The following ANO10 variants were observed in gnomAD, a reference collection of about 807,000 sequenced individuals.
The protein encoded by ANO10 is anoctamin 10.
Under a neutral mutation model 74.7 loss-of-function variants are expected in ANO10, and 77 were observed. The ratio of observed to expected loss-of-function variants is 1.03; its 90% CI spans 0.86 to 1.25. The LOEUF (loss-of-function observed/expected upper bound fraction) is 1.25. ANO10 is among the 50% of genes most tolerant of loss of function. The pLI is 0.00. For missense variants in ANO10, 721 were observed against 778.1 expected (o/e 0.93, Z 0.87); for synonymous variants, 279 against 284.9 (o/e 0.98, Z 0.21).
intron 12 of ANO10, among the ~76,000 whole-genome samples, chr3:43,423,606 G>C (rs11708097): frequency 6.6e-6 from 1 of 152,260 alleles, no homozygotes. Context: ...CAGGTATACT[G>C]GTGGTCAGAG....
At chr3:43,475,008 A>T (rs978857938) in intron 11 of ANO10, among the ~76,000 whole-genome samples, 1 of 152,238 alleles carries the variant, frequency 6.6e-6, no homozygotes, top group Non-Finnish European at 1.5e-5. Flanking sequence ...TAAATAAATT[A>T]CCCAAATCTT....
intron 4 of ANO10, among the ~76,000 whole-genome samples, chr3:43,591,557 C>T (rs67766338): frequency 0.13 from 20,086 of 152,208 alleles, 1,769 homozygotes; most frequent in Middle Eastern, 0.26. Flanking sequence ...AACAAAGATC[C>T]ACCAGTAGCA....
intron 12 of ANO10, among the ~76,000 whole-genome samples, chr3:43,407,801 A>G (rs1391586625): frequency 6.6e-6 from 1 of 152,212 alleles, no homozygotes; most frequent in Non-Finnish European, 1.5e-5. Context: ...CAGGGTGAAG[A>G]GAATGTGCAA....
At chr3:43,451,293 C>T (rs1050861602) in intron 11 of ANO10, among the ~76,000 whole-genome samples, 3 of 152,198 alleles carry the variant, frequency 2.0e-5, no homozygotes, top group Admixed American at 1.3e-4. Flanking sequence ...TGACCACACT[C>T]GCCTCTGTCT....
chr3:43,588,692 A>T (rs1207535161), intron 4 of ANO10, among the ~76,000 whole-genome samples: 1 of 152,192 alleles, frequency 6.6e-6, no homozygotes, highest in Non-Finnish European at 1.5e-5. Context: ...ATTCTAACAG[A>T]TGCAAACTAA....
chr3:43,448,447 T>C (rs1470018450), intron 11 of ANO10, among the ~76,000 whole-genome samples: 1 of 152,272 alleles, frequency 6.6e-6, no homozygotes, highest in South Asian at 2.1e-4. Context: ...TCATACAGTA[T>C]ATAGCCTTTT....
intron 11 of ANO10, among the ~76,000 whole-genome samples, chr3:43,438,570 C>A (rs1477577114): frequency 6.6e-6 from 1 of 151,948 alleles, no homozygotes; most frequent in Admixed American, 6.6e-5. Flanking sequence ...CATGGTGAAA[C>A]CCCGTCTCTG....
chr3:43,439,776 G>A (rs1022612540), intron 11 of ANO10, among the ~76,000 whole-genome samples: 1 of 152,112 alleles, frequency 6.6e-6, no homozygotes, highest in Non-Finnish European at 1.5e-5. Context: ...AGCTACTCGG[G>A]AGGCTGGGGT....
intron 12 of ANO10, among the ~76,000 whole-genome samples, chr3:43,392,483 T>A (rs973200831): frequency 3.3e-5 from 5 of 152,254 alleles, no homozygotes; most frequent in South Asian, 2.1e-4. Flanking sequence ...AAGCTCTTTT[T>A]ATTTAGAATG....
chr3:43,623,579 A>G (rs549457493), upstream of ANO10, among the ~76,000 whole-genome samples: 6 of 152,326 alleles, frequency 3.9e-5, no homozygotes, highest in East Asian at 1.2e-3. Context: ...GCCTCCATAC[A>G]TCCAGCTTTG....
chr3:43,601,748 T>C (rs2082343780), intron 2 of ANO10, among the ~76,000 whole-genome samples: 1 of 152,198 alleles, frequency 6.6e-6, no homozygotes, highest in African/African-American at 2.4e-5. Context: ...TTAACCTCAC[T>C]CATATTAAGA....
At chr3:43,411,722 G>A (rs2092668214) in intron 12 of ANO10, among the ~76,000 whole-genome samples, 1 of 152,244 alleles carries the variant, frequency 6.6e-6, no homozygotes, top group Middle Eastern at 3.4e-3. Context: ...ATGGTTTCAA[G>A]TCCAATGTAG....
At chr3:43,602,847 T>C (rs2082397722) in intron 2 of ANO10, among the ~76,000 whole-genome samples, 1 of 152,184 alleles carries the variant, frequency 6.6e-6, no homozygotes, top group Non-Finnish European at 1.5e-5. Context: ...CCCTTTCAAA[T>C]TGTTCAGATG....
intron 12 of ANO10, among the ~76,000 whole-genome samples, chr3:43,374,207 T>C (rs1042441687): frequency 1.3e-5 from 2 of 152,224 alleles, no homozygotes; most frequent in Non-Finnish European, 1.5e-5. Flanking sequence ...ATTTCCTGCA[T>C]TTCTAATTGC....
chr3:43,577,693 C>G (rs546973069), intron 5 of ANO10, among the ~76,000 whole-genome samples: 2 of 152,160 alleles, frequency 1.3e-5, no homozygotes, highest in African/African-American at 4.8e-5. Flanking sequence ...TTGACGAAGA[C>G]TCCCCATCCA....
At chr3:43,566,291 G>A (rs1488050990) in intron 7 of ANO10, among the ~76,000 whole-genome samples, 8 of 152,246 alleles carry the variant, frequency 5.3e-5, no homozygotes, top group South Asian at 2.1e-4. Context: ...GCTTGATTAG[G>A]TAAACAAAGC....
At chr3:43,547,392 G>A (rs886410288) in intron 11 of ANO10, among the ~76,000 whole-genome samples, 2 of 152,156 alleles carry the variant, frequency 1.3e-5, no homozygotes, top group South Asian at 4.1e-4. Flanking sequence ...CAGCAGGACT[G>A]TATTTTCTCA....
In ANO10 at chr3:43,474,216, C is replaced by T. The variant is rs141762826; in HGVS notation, c.1798-41489G>A. ...GCTGCAAGTTTCAGTACTTCCCCGC[C>T]CCCCCCAACCCCAATTTCTTCCTTT... On this transcript the variant is annotated intron_variant, in intron 11 of 12. Transcript: ENST00000292246. 5.5e-4 allele frequency among the ~76,000 whole-genome samples: 84 copies of T among 151,760 alleles called. 2 individuals carry two copies. The highest frequency in any genetic ancestry group is 3.4e-3 in the Middle Eastern group (1 of 294).
At chr3:43,377,262 T>C (rs189724319) in intron 12 of ANO10, among the ~76,000 whole-genome samples, 1 of 152,180 alleles carries the variant, frequency 6.6e-6, no homozygotes, top group East Asian at 1.9e-4. Flanking sequence ...ATTTTTTGCA[T>C]ATTTTGTAGA....
Sources: gnomAD v4.1 joint callset for allele counts (sites outside exome capture counted in the v4.1 genomes callset) on GRCh38, gnomAD v4.1.1 for gene constraint, MANE v1.5 for transcripts, NCBI Gene and HGNC (gene_info 2026-07-23, HGNC 2026-07-21) for gene names.